Variants in SLC44A5 observed in about 807,000 individuals in gnomAD.
The protein encoded by SLC44A5 is solute carrier family 44 member 5.
A neutral mutation model predicts 101.8 loss-of-function variants in SLC44A5; 57 were observed. The observed-to-expected ratio is 0.56, with a 90% CI of 0.45 to 0.70. The LOEUF (loss-of-function observed/expected upper bound fraction) is 0.70, where lower values mean the gene tolerates loss of function less well. SLC44A5 is among the 30% of genes least tolerant of loss of function. The pLI is 0.00. For missense variants in SLC44A5, 737 were observed against 853.1 expected, an observed-to-expected ratio of 0.86 and a Z score of 1.70; for synonymous variants, 281 against 290.9, an observed-to-expected ratio of 0.97 and a Z score of 0.35.
chr1:75,634,818 C>A, the SLC44A5 span, among the ~76,000 whole-genome samples: 1 of 151,588 alleles, frequency 6.6e-6, no homozygotes, highest in African/African-American at 2.4e-5. Flanking sequence ...TAAATGGGAT[C>A]TAATTAAAGA....
chr1:75,637,093 C>T, the SLC44A5 span, among the ~76,000 whole-genome samples: 1 of 151,912 alleles, frequency 6.6e-6, no homozygotes, highest in African/African-American at 2.4e-5. Flanking sequence ...TTTAATTTAA[C>T]ATAATTTTAA....
chr1:75,594,779 T>A (rs1449625061), intron 1 of SLC44A5, among the ~76,000 whole-genome samples: 1 of 151,912 alleles, frequency 6.6e-6, no homozygotes, highest in Non-Finnish European at 1.5e-5. Flanking sequence ...TGGTACCTTT[T>A]TTTTTTATCA....
intron 12 of SLC44A5, among the ~76,000 whole-genome samples, chr1:75,231,040 G>C (rs927532950): frequency 6.6e-6 from 1 of 152,166 alleles, no homozygotes; most frequent in Non-Finnish European, 1.5e-5. Flanking sequence ...GGACTTTATT[G>C]ATCTGAATCT....
intron 2 of SLC44A5, among the ~76,000 whole-genome samples, chr1:75,489,261 T>G (rs1668313177): frequency 2.0e-5 from 3 of 152,216 alleles, no homozygotes; most frequent in Admixed American, 2.0e-4. Context: ...TAAATTCATG[T>G]GTGTGAGGAG....
chr1:75,483,410 G>A (rs1159819841), intron 2 of SLC44A5, among the ~76,000 whole-genome samples: 1 of 152,004 alleles, frequency 6.6e-6, no homozygotes, highest in Non-Finnish European at 1.5e-5. Context: ...CATAATTTAG[G>A]TATTAAAAAG....
chr1:75,473,556 A>G (rs1667224185), intron 2 of SLC44A5, among the ~76,000 whole-genome samples: 1 of 152,112 alleles, frequency 6.6e-6, no homozygotes. Context: ...TTTGCTAAAA[A>G]CACTTATCTG....
intron 3 of SLC44A5, among the ~76,000 whole-genome samples, chr1:75,374,274 C>T (rs959790264): frequency 1.3e-5 from 2 of 152,184 alleles, no homozygotes; most frequent in Non-Finnish European, 2.9e-5. Context: ...CCACCACTCT[C>T]CCTCAGGATC....
intron 1 of SLC44A5, among the ~76,000 whole-genome samples, chr1:75,567,532 G>C (rs139083701): frequency 6.6e-6 from 1 of 152,114 alleles, no homozygotes; most frequent in Non-Finnish European, 1.5e-5. Context: ...AGGATGGCCT[G>C]GTTCAATATT....
chr1:75,719,439 T>C, the SLC44A5 span, among the ~76,000 whole-genome samples: 27 of 152,162 alleles, frequency 1.8e-4, no homozygotes, highest in Non-Finnish European at 1.6e-4. Flanking sequence ...CCTAGTATAA[T>C]TTATCCTTGG....
chr1:75,706,885 T>C, the SLC44A5 span, among the ~76,000 whole-genome samples: 1 of 152,216 alleles, frequency 6.6e-6, no homozygotes, highest in African/African-American at 2.4e-5. Flanking sequence ...TCATGATTGG[T>C]AATTTTATAA....
At chr1:75,570,041 A>G (rs1672993158) in intron 1 of SLC44A5, among the ~76,000 whole-genome samples, 1 of 152,202 alleles carries the variant, frequency 6.6e-6, no homozygotes, top group South Asian at 2.1e-4. Context: ...ACAGAAGGAA[A>G]AAGAAGCTGA....
intron 2 of SLC44A5, among the ~76,000 whole-genome samples, chr1:75,505,578 TTTGA>T (rs1202740153): frequency 6.6e-6 from 1 of 152,178 alleles, no homozygotes; most frequent in African/African-American, 2.4e-5. Context: ...TCATTATGGG[TTTGA>T]TTTTCATGCC....
In SLC44A5 at chr1:75,202,991, A is replaced by G. The variant is rs1264913855; in HGVS notation, c.*736T>C. The G allele has an allele frequency of 6.6e-6, 1 of 152,228 alleles. No homozygotes were observed. Among genetic ancestry groups the G allele is most frequent in the Non-Finnish European group, 1.5e-5 (1 of 68,032 alleles). The allele number at this position is 152,228 out of a possible 1,614,324, so 9.4% of individuals were successfully genotyped here. On this transcript the variant is annotated 3_prime_UTR_variant, in exon 24 of 24. Coordinates refer to ENST00000370859, the MANE Select transcript of SLC44A5 (RefSeq NM_001130058.2). ...CTGCACAATGTATTCCATAATAGTG[A>G]GGATATCAAACAGAGCAAAATGACA...
chr1:75,320,198 G>A (rs6656537), intron 4 of SLC44A5, among the ~76,000 whole-genome samples: 52,445 of 151,884 alleles, frequency 0.35, 9,898 homozygotes, highest in East Asian at 0.82. Context: ...CCTACCAGCT[G>A]CCTCAAAGAA....
intron 3 of SLC44A5, among the ~76,000 whole-genome samples, chr1:75,363,442 T>C (rs990765312): frequency 1.3e-5 from 2 of 152,084 alleles, no homozygotes; most frequent in African/African-American, 4.8e-5. Context: ...CTTTCTGTTT[T>C]GTGAAACTAC....
intron 2 of SLC44A5, among the ~76,000 whole-genome samples, chr1:75,535,071 CTT>C (rs34439007): frequency 0.074 from 10,300 of 139,676 alleles, 460 homozygotes; most frequent in African/African-American, 0.13. Flanking sequence ...ATTGAAGCTG[CTT>C]TTTTTTTTTT....
At chr1:75,665,352 G>A in the SLC44A5 span, among the ~76,000 whole-genome samples, 45 of 152,080 alleles carry the variant, frequency 3.0e-4, 1 homozygote, top group Admixed American at 2.9e-3. Context: ...AAGCAGTAGG[G>A]AAAGAACTCT....
chr1:75,543,608 TAC>T lies in SLC44A5; in HGVS notation c.-69-2094_-69-2093del, dbSNP rs57859064. Among the ~76,000 whole-genome samples the T allele has an allele frequency of 2.6e-3, 308 of 119,252 alleles. 2 individuals carry two copies. In the Middle Eastern group the frequency reaches 0.028, roughly 11 times the overall value. 78.2% of individuals were successfully genotyped at this position (119,252 alleles called of 152,430 possible). ...ATATATAAATAAATATATATATATA[TAC>T]ACACACACATATATATACGTATATA... On this transcript the variant is annotated intron_variant, in intron 1 of 23. Coordinates refer to ENST00000370859, the MANE Select transcript of SLC44A5 (RefSeq NM_001130058.2).
chr1:75,247,692 T>A lies in SLC44A5; in HGVS notation c.345+3518A>T, dbSNP rs141800202. 3.0e-3 allele frequency among the ~76,000 whole-genome samples: 460 copies of A among 152,078 alleles called. 1 individual carries two copies. Among genetic ancestry groups the A allele is most frequent in the African/African-American group, 0.01 (435 of 41,518 alleles). On this transcript the variant is annotated intron_variant, in intron 7 of 23. Coordinates refer to ENST00000370859, the MANE Select transcript of SLC44A5 (RefSeq NM_001130058.2). ...AGAGTTGGGAGGAAATATAGAAGAATGTTGTGCCCTGGAAGCCAGGTGAAA... is the reference window on the plus strand; with the variant it reads ...AGAGTTGGGAGGAAATATAGAAGAAAGTTGTGCCCTGGAAGCCAGGTGAAA...
Sources: allele counts gnomAD v4.1 joint callset (sites outside exome capture counted in the v4.1 genomes callset), GRCh38; gene constraint gnomAD v4.1.1; transcripts MANE v1.5; gene names NCBI Gene and HGNC (gene_info 2026-07-23, HGNC 2026-07-21).